The following CCM2 variants were observed in gnomAD, a reference collection of about 807,000 sequenced individuals.
CCM2 encodes the protein cerebral cavernous malformations 2 protein.
Under a neutral mutation model 44.9 loss-of-function variants are expected in CCM2, and 25 were observed. The observed-to-expected ratio is 0.56, with a 90% CI of 0.41 to 0.78. The LOEUF is 0.78. CCM2 is among the 30% of genes least tolerant of loss of function. CCM2 has a pLI of 0.00. For synonymous variants in CCM2, 219 were observed against 241.1 expected (o/e 0.91, Z 0.85); for missense variants, 481 against 580.6 (o/e 0.83, Z 1.76).
In CCM2 at chr7:45,021,880, T is replaced by C. The variant is rs193036805; in HGVS notation, c.31-16373T>C. 1.4e-4 allele frequency among the ~76,000 whole-genome samples: 22 copies of C among 152,348 alleles called. No individual in the cohort carries two copies. In the East Asian group the frequency reaches 4.0e-3, roughly 28 times the overall value. On this transcript the variant is annotated intron_variant, in intron 1 of 9. Transcript: ENST00000258781. ...TTGCACACTGTGGGTTATGATTCATTAGTGGCATGTGAAATCAACCATGTA... is the reference window on the plus strand; with the variant it reads ...TTGCACACTGTGGGTTATGATTCATCAGTGGCATGTGAAATCAACCATGTA...
intron 1 of CCM2, among the ~76,000 whole-genome samples, chr7:45,031,199 A>G (rs1796948745): frequency 6.6e-6 from 1 of 151,262 alleles, no homozygotes; most frequent in Non-Finnish European, 1.5e-5. Context: ...CCTGGCCAAC[A>G]TGGTGAAACC....
intron 1 of CCM2, among the ~76,000 whole-genome samples, chr7:45,009,174 G>T (rs977231220): frequency 6.6e-6 from 1 of 151,546 alleles, no homozygotes; most frequent in Non-Finnish European, 1.5e-5. Context: ...GGTGGTGTGT[G>T]CCTGTAATCC....
In CCM2 at chr7:45,050,218, A is replaced by G. The variant is rs200113727; in HGVS notation, c.204+11792A>G. Reference sequence around the variant, plus strand: ...TACATTAACATGCTGTACAGGTTGTAGCCTGGGAGCAATACCATATAGCCT... The same window carrying G: ...TACATTAACATGCTGTACAGGTTGTGGCCTGGGAGCAATACCATATAGCCT... On this transcript the variant is annotated intron_variant, in intron 2 of 9. Transcript: ENST00000258781. 7.2e-5 allele frequency among the ~76,000 whole-genome samples: 11 copies of G among 152,314 alleles called. No individual in the cohort carries two copies. The East Asian group carries it at 1.7e-3, about 24-fold the overall frequency.
At chr7:45,071,931 A>T (rs952943446) in intron 6 of CCM2, 5 of 452,468 alleles carry the variant, frequency 1.1e-5, no homozygotes, top group Middle Eastern at 3.3e-4. Flanking sequence ...CACCAATTCC[A>T]GGGATTAGGA....
chr7:45,048,943 G>T (rs995809013), intron 2 of CCM2, among the ~76,000 whole-genome samples: 1 of 152,118 alleles, frequency 6.6e-6, no homozygotes, highest in African/African-American at 2.4e-5. Flanking sequence ...ACAAACCCAA[G>T]AAGCTCTTCT....
intron 1 of CCM2, among the ~76,000 whole-genome samples, chr7:45,028,006 G>A (rs1455773814): frequency 6.6e-6 from 1 of 152,164 alleles, no homozygotes; most frequent in Non-Finnish European, 1.5e-5. Flanking sequence ...GGGCGTGTAT[G>A]GAGAAGTGCC....
intron 1 of CCM2, among the ~76,000 whole-genome samples, chr7:45,012,130 C>CTTTTTTT (rs60568953): frequency 2.1e-5 from 2 of 94,090 alleles, no homozygotes; most frequent in African/African-American, 7.7e-5. Flanking sequence ...ATCATAATAT[C>CTTTTTTT]TTTTTTTTTT....
intron 2 of CCM2, among the ~76,000 whole-genome samples, chr7:45,052,912 T>TA (rs1164265297): frequency 6.6e-6 from 1 of 152,218 alleles, no homozygotes; most frequent in Non-Finnish European, 1.5e-5. Context: ...CTTTTCTACT[T>TA]ATAGCTCTTA....
chr7:45,003,042 G>A (rs546990779), intron 1 of CCM2, among the ~76,000 whole-genome samples: 17 of 152,252 alleles, frequency 1.1e-4, no homozygotes, highest in Middle Eastern at 3.4e-3. Context: ...CCTACCTACG[G>A]TATGGACTCA....
At chr7:45,020,814 A>G (rs1362604215) in intron 1 of CCM2, among the ~76,000 whole-genome samples, 1 of 150,562 alleles carries the variant, frequency 6.6e-6, no homozygotes, top group Non-Finnish European at 1.5e-5. Context: ...AAGTAGCAAA[A>G]TATATTATAT....
At chr7:45,028,016 C>T (rs1466973154) in intron 1 of CCM2, among the ~76,000 whole-genome samples, 2 of 152,088 alleles carry the variant, frequency 1.3e-5, no homozygotes, top group African/African-American at 2.4e-5. Flanking sequence ...GGAGAAGTGC[C>T]GTTCCACCCA....
chr7:45,039,735 CTG>C (rs1797389836), intron 2 of CCM2, among the ~76,000 whole-genome samples: 1 of 152,122 alleles, frequency 6.6e-6, no homozygotes, highest in Admixed American at 6.6e-5. Flanking sequence ...GGAATTAAAA[CTG>C]TTAATTAGGC....
intron 1 of CCM2, among the ~76,000 whole-genome samples, chr7:45,029,169 G>A (rs940466769): frequency 6.6e-6 from 1 of 152,238 alleles, no homozygotes; most frequent in East Asian, 1.9e-4. Flanking sequence ...GTTCCCTGGG[G>A]GCAGGGACGG....
At chr7:45,039,552 A>G (rs1458215166) in intron 2 of CCM2, among the ~76,000 whole-genome samples, 2 of 152,210 alleles carry the variant, frequency 1.3e-5, no homozygotes, top group Non-Finnish European at 2.9e-5. Flanking sequence ...ACAACTTTCA[A>G]CCTAAAGGCA....
chr7:45,053,646 AC>A (rs1368961831), intron 2 of CCM2, among the ~76,000 whole-genome samples: 2 of 151,788 alleles, frequency 1.3e-5, no homozygotes, highest in East Asian at 1.9e-4. Context: ...AGGTCTTATT[AC>A]CCCCTTGCTC....
Position 45,073,491 on chromosome 7 carries a change from G to A in CCM2, c.835G>A (p.Ala279Thr). The A allele has an allele frequency of 6.2e-7, 1 of 1,613,382 alleles. No homozygotes were observed. Among genetic ancestry groups the A allele is most frequent in the Non-Finnish European group, 8.5e-7 (1 of 1,179,946 alleles). Residue 279 changes from alanine (A) to threonine (T), a missense_variant, in exon 8 of 10, where the codon GCA (alanine) becomes ACA (threonine). By Grantham distance (58) the Ala-to-Thr change is moderately conservative (BLOSUM62 0). Transcript: ENST00000258781. ...CFPESVDVGGASPHSKTISES... is the reference protein window; with the variant it reads ...CFPESVDVGGTSPHSKTISES... ...CCCTGAATCTGTGGATGTGGGTGGT[G>A]CATCACCCCACAGCAAGACCATCAG...
At chr7:45,073,271 C>A (rs1799171464) in intron 7 of CCM2, 189 bp from the exon 8 acceptor site, 1 of 631,288 alleles carries the variant, frequency 1.6e-6, no homozygotes, top group South Asian at 1.8e-5. Context: ...CCCCGGGGAG[C>A]CCCAGGACCA....
intron 4 of CCM2, among the ~76,000 whole-genome samples, chr7:45,065,077 A>G (rs1445405069): frequency 2.0e-5 from 3 of 152,138 alleles, no homozygotes; most frequent in African/African-American, 7.2e-5. Flanking sequence ...GATGAGACCC[A>G]GACCTCCCAG....
chr7:45,044,235 G>A (rs768638573), intron 2 of CCM2, among the ~76,000 whole-genome samples: 1 of 152,192 alleles, frequency 6.6e-6, no homozygotes, highest in Admixed American at 6.5e-5. Context: ...CCGGGTTCAC[G>A]CTGTTCTCCT....
Sources: allele counts gnomAD v4.1 joint callset (sites outside exome capture counted in the v4.1 genomes callset), GRCh38; gene constraint gnomAD v4.1.1; transcripts MANE v1.5; gene names NCBI Gene and HGNC (gene_info 2026-07-23, HGNC 2026-07-21).